Variants in ARMC9 observed in about 807,000 individuals in gnomAD.
ARMC9 encodes the protein armadillo repeat containing 9, also known as lisH domain-containing protein ARMC9.
In ARMC9, 94 loss-of-function variants were observed where a neutral mutation model predicts 107.0. The observed-to-expected ratio is 0.88, with a 90% CI of 0.74 to 1.04. The LOEUF (loss-of-function observed/expected upper bound fraction) is 1.04. ARMC9 is among the 50% of genes least tolerant of loss of function. ARMC9 has a pLI of 0.00. For synonymous variants in ARMC9, 380 were observed against 396.9 expected, an observed-to-expected ratio of 0.96 and a Z score of 0.51; for missense variants, 942 against 1,030.1, an observed-to-expected ratio of 0.91 and a Z score of 1.17.
At chr2:231,341,313 C>T (rs1729089) in intron 20 of ARMC9, among the ~76,000 whole-genome samples, 94,378 of 152,102 alleles carry the variant, frequency 0.62, 31,855 homozygotes, top group African/African-American at 0.89. Context: ...GACGGGTACA[C>T]TTCCTGGCAC....
rs570184293 is a variant in ARMC9, at chr2:231,233,556, C to A, written c.623-1668C>A. 1.8e-3 allele frequency among the ~76,000 whole-genome samples: 279 copies of A among 152,224 alleles called. 1 individual carries two copies. Among genetic ancestry groups the A allele is most frequent in the African/African-American group, 6.2e-3 (256 of 41,540 alleles). On this transcript the variant is annotated intron_variant, in intron 7 of 24. Transcript: ENST00000611582. ...CTTTGGGGGGCCGAGGCAGGTGGAT[C>A]ACCTGAGGTCGGGAGTTCAAGACCA...
chr2:231,319,770 A>ACC (rs1355557558), intron 19 of ARMC9, among the ~76,000 whole-genome samples: 1 of 152,192 alleles, frequency 6.6e-6, no homozygotes, highest in African/African-American at 2.4e-5. Context: ...GCATGTGGCC[A>ACC]CCAGACCATC....
Position 231,360,710 on chromosome 2 carries a change from G to C in ARMC9, c.2132-44G>C. 3 of 1,536,102 alleles carry C rather than the reference G, an allele frequency of 2.0e-6. No individual in the cohort carries two copies. The highest frequency in any genetic ancestry group is 2.6e-6 in the Non-Finnish European group (3 of 1,146,880). ...CCCACGAGAGGGCATCCTTAGAGGG[G>C]CTCCAGAGCAGATGTGGACTGAACT... On this transcript the variant is annotated intron_variant, in intron 22 of 24. Transcript: ENST00000611582. This position sits in a 1 kb window ranked among gnomAD's most constrained non-coding sequence, Gnocchi z 4.7.
chr2:231,205,128 G>C (rs1486108547), intron 1 of ARMC9, among the ~76,000 whole-genome samples: 2 of 151,926 alleles, frequency 1.3e-5, no homozygotes, highest in African/African-American at 4.8e-5. Context: ...AGCATTTTGG[G>C]AGGCCAAGGC....
intron 9 of ARMC9, among the ~76,000 whole-genome samples, chr2:231,248,536 G>T (rs1404868058): frequency 2.0e-5 from 3 of 152,068 alleles, no homozygotes. Context: ...AGGGCCGGAC[G>T]TGGTGGCTTA....
At position 231,375,217 on chromosome 2, in the gene ARMC9, C is replaced by G. The variant is rs1297833397; in HGVS notation, c.*3682C>G. On this transcript the variant is annotated 3_prime_UTR_variant, in exon 25 of 25. Transcript: ENST00000611582. The surrounding 1 kb of genome is among the most constrained non-coding windows in gnomAD (Gnocchi z 4.3). ...TCAGAGGGCAGTCAGGGGCTTCGCTCATGTCTGGTAGTTGGCTGTTGGCTG... is the reference window on the plus strand; with the variant it reads ...TCAGAGGGCAGTCAGGGGCTTCGCTGATGTCTGGTAGTTGGCTGTTGGCTG... Among the ~76,000 whole-genome samples, 2 of 152,222 alleles carry G rather than the reference C, an allele frequency of 1.3e-5. No individual in the cohort carries two copies. The highest frequency in any genetic ancestry group is 2.9e-5 in the Non-Finnish European group (2 of 68,042).
At chr2:231,317,316 G>T (rs527482252) in intron 19 of ARMC9, among the ~76,000 whole-genome samples, 3 of 151,974 alleles carry the variant, frequency 2.0e-5, no homozygotes, top group South Asian at 2.1e-4. Flanking sequence ...GATTACAGGC[G>T]CCTGCCACCA....
At chr2:231,198,852 C>G (rs3731774) in intron 1 of ARMC9, 154 bp downstream of exon 1, 17,090 of 152,712 alleles carry the variant, frequency 0.11, 1,832 homozygotes, top group East Asian at 0.29. Flanking sequence ...GATGCTACCA[C>G]TTCTCGCCTG....
intron 20 of ARMC9, among the ~76,000 whole-genome samples, chr2:231,334,191 G>A (rs2043930238): frequency 6.6e-6 from 1 of 152,248 alleles, no homozygotes; most frequent in Non-Finnish European, 1.5e-5. Flanking sequence ...GGAAGAGCCA[G>A]TACAATTTGG....
intron 19 of ARMC9, among the ~76,000 whole-genome samples, chr2:231,304,829 A>G (rs934100940): frequency 1.3e-5 from 2 of 152,112 alleles, no homozygotes; most frequent in Non-Finnish European, 2.9e-5. Context: ...CAAAATTCTC[A>G]TTTTTTCTTG....
chr2:231,250,788 A>C (rs924370520), intron 9 of ARMC9, among the ~76,000 whole-genome samples: 1 of 152,130 alleles, frequency 6.6e-6, no homozygotes, highest in Admixed American at 6.5e-5. Context: ...GGGCTGGAGG[A>C]GAGACCTGAA....
chr2:231,259,616 C>T (rs960373700), intron 11 of ARMC9, among the ~76,000 whole-genome samples: 1 of 152,226 alleles, frequency 6.6e-6, no homozygotes, highest in Non-Finnish European at 1.5e-5. Flanking sequence ...ACCCTTTCCA[C>T]TCTCAACAAT....
At chr2:231,314,963 A>C (rs2042578333) in intron 19 of ARMC9, among the ~76,000 whole-genome samples, 2 of 152,166 alleles carry the variant, frequency 1.3e-5, no homozygotes, top group African/African-American at 2.4e-5. Context: ...TAAAAAATAA[A>C]TTGGCCGGGT....
intron 19 of ARMC9, among the ~76,000 whole-genome samples, chr2:231,330,090 G>C (rs1354448049): frequency 6.6e-6 from 1 of 151,910 alleles, no homozygotes; most frequent in Non-Finnish European, 1.5e-5. Context: ...GGAGTTCTGT[G>C]TTCCATTCCA....
At position 231,254,653 on chromosome 2, in the gene ARMC9, TA is replaced by T. The variant is rs1310943468; in HGVS notation, c.880-1919del. On this transcript the variant is annotated intron_variant, in intron 9 of 24. Transcript: ENST00000611582. ...GGGCAATATAGTGAGACCCTATCTATAAAAAAAAAAAAAATTGAAAAAAATT... is the reference window on the plus strand; with the variant it reads ...GGGCAATATAGTGAGACCCTATCTATAAAAAAAAAAAAATTGAAAAAAATT... 2.4e-3 allele frequency among the ~76,000 whole-genome samples: 261 copies of T among 109,872 alleles called. 1 individual carries two copies. The highest frequency in any genetic ancestry group is 2.9e-3 in the Non-Finnish European group (145 of 50,848). 72.1% of individuals were successfully genotyped at this position (109,872 alleles called of 152,430 possible).
intron 19 of ARMC9, among the ~76,000 whole-genome samples, chr2:231,321,666 G>A (rs1172217296): frequency 6.6e-6 from 1 of 152,034 alleles, no homozygotes; most frequent in Non-Finnish European, 1.5e-5. Flanking sequence ...TGGTCCCTAG[G>A]TCTTTTGTTC....
chr2:231,257,046 C>T (rs1334278891), intron 10 of ARMC9, among the ~76,000 whole-genome samples: 3 of 152,230 alleles, frequency 2.0e-5, no homozygotes, highest in Non-Finnish European at 4.4e-5. Context: ...AACACCCAAC[C>T]GCAAGTGATC....
At chr2:231,319,735 G>C (rs1251270609) in intron 19 of ARMC9, among the ~76,000 whole-genome samples, 2 of 152,088 alleles carry the variant, frequency 1.3e-5, no homozygotes, top group Non-Finnish European at 2.9e-5. Flanking sequence ...CCAGCCTTCG[G>C]TCTCTGGCCC....
intron 19 of ARMC9, among the ~76,000 whole-genome samples, chr2:231,305,375 C>CT (rs550972604): frequency 4.5e-4 from 69 of 152,214 alleles, no homozygotes; most frequent in Non-Finnish European, 8.2e-4. Flanking sequence ...GCATCCAACA[C>CT]TTTAAGTATT....
Sources: allele counts gnomAD v4.1 joint callset (sites outside exome capture counted in the v4.1 genomes callset), GRCh38; gene constraint gnomAD v4.1.1; non-coding constraint Gnocchi (gnomAD v3.1); transcripts MANE v1.5; gene names NCBI Gene and HGNC (gene_info 2026-07-23, HGNC 2026-07-21).